Variants in KCND2 observed in about 807,000 individuals in gnomAD.
The protein encoded by KCND2 is potassium voltage-gated channel subfamily D member 2, also known as A-type voltage-gated potassium channel KCND2.
A neutral mutation model predicts 54.4 loss-of-function variants in KCND2; 16 were observed. The observed-to-expected ratio is 0.29, with a 90% CI of 0.20 to 0.45. KCND2 has a LOEUF of 0.45. Ranked by LOEUF, KCND2 falls within the 20% of genes least tolerant of loss-of-function variation. The pLI, the probability that KCND2 is intolerant of heterozygous loss-of-function variation, is 1.00. For synonymous variants in KCND2, 317 were observed against 310.7 expected (o/e 1.02, Z -0.21); for missense variants, 486 against 824.2 (o/e 0.59, Z 5.02).
intron 1 of KCND2, among the ~76,000 whole-genome samples, chr7:120,400,899 T>C (rs540126179): frequency 3.2e-4 from 49 of 151,782 alleles, no homozygotes; most frequent in Non-Finnish European, 2.9e-5. Context: ...CTTTGGGCAA[T>C]TAAGTGTTAA....
At chr7:120,625,680 A>T (rs114132149) in intron 1 of KCND2, among the ~76,000 whole-genome samples, 4,320 of 152,248 alleles carry the variant, frequency 0.028, 172 homozygotes, top group African/African-American at 0.09. Flanking sequence ...TAAGGTACAT[A>T]CATAAATGTA....
At chr7:120,339,503 CTGTG>C (rs10525061) in intron 1 of KCND2, among the ~76,000 whole-genome samples, 7,954 of 149,732 alleles carry the variant, frequency 0.053, 484 homozygotes, top group African/African-American at 0.15. Context: ...CTTTAGAAGG[CTGTG>C]TGTGTGTGTG....
At chr7:120,538,984 C>A (rs1021254457) in intron 1 of KCND2, among the ~76,000 whole-genome samples, 7 of 152,100 alleles carry the variant, frequency 4.6e-5, no homozygotes, top group Non-Finnish European at 8.8e-5. Flanking sequence ...CTGCTCAATG[C>A]AAGGCTGCCG....
chr7:120,510,928 C>T (rs1007774860), intron 1 of KCND2, among the ~76,000 whole-genome samples: 35 of 149,560 alleles, frequency 2.3e-4, no homozygotes, highest in African/African-American at 7.1e-4. Context: ...TGTCTTCCTA[C>T]GGCTTCACAT....
chr7:120,625,252 A>G (rs1367578948), intron 1 of KCND2, among the ~76,000 whole-genome samples: 2 of 152,360 alleles, frequency 1.3e-5, no homozygotes, highest in East Asian at 1.9e-4. Flanking sequence ...ATCTAAAAAC[A>G]TAGTAAAATA....
Position 120,425,403 on chromosome 7 carries a change from G to A in KCND2, c.1115+149656G>A, listed in dbSNP as rs965975242. Reference sequence around the variant, plus strand: ...CTGCCTGCGACAATATTTCTGAACAGTCATTTAATCAACAACTATATTTGA... The same window carrying A: ...CTGCCTGCGACAATATTTCTGAACAATCATTTAATCAACAACTATATTTGA... On this transcript the variant is annotated intron_variant, in intron 1 of 5. Transcript: ENST00000331113. Among the ~76,000 whole-genome samples the A allele has an allele frequency of 1.4e-4, 21 of 152,334 alleles. 1 individual carries two copies. In the South Asian group the frequency reaches 2.3e-3, roughly 17 times the overall value.
At chr7:120,486,689 CT>C (rs1399142505) in intron 1 of KCND2, among the ~76,000 whole-genome samples, 143 of 143,814 alleles carry the variant, frequency 9.9e-4, no homozygotes, top group Middle Eastern at 3.6e-3. Flanking sequence ...TGTTTATTGT[CT>C]TTTTTTTTTT....
chr7:120,622,485 T>TTATATATATA lies in KCND2; in HGVS notation c.1116-110413_1116-110404dup, dbSNP rs370315618. ...TTAATTAATTAACCATGCGAAATTG[T>TTATATATATA]TATATATATATATACAGTCTCATAA... On this transcript the variant is annotated intron_variant, in intron 1 of 5. Transcript: ENST00000331113. 9.8e-3 allele frequency among the ~76,000 whole-genome samples: 1,473 copies of TTATATATATA among 151,062 alleles called. 24 individuals carry two copies. The highest frequency in any genetic ancestry group is 0.034 in the African/African-American group (1,382 of 41,106).
At chr7:120,334,914 T>C (rs1280704582) in intron 1 of KCND2, among the ~76,000 whole-genome samples, 1 of 152,150 alleles carries the variant, frequency 6.6e-6, no homozygotes, top group Admixed American at 6.5e-5. Flanking sequence ...AATAGAATAA[T>C]GTCATGGTTC....
intron 1 of KCND2, among the ~76,000 whole-genome samples, chr7:120,553,438 CTTAG>C (rs1771509941): frequency 1.3e-5 from 2 of 152,170 alleles, no homozygotes; most frequent in African/African-American, 4.8e-5. Flanking sequence ...CTGATGTATA[CTTAG>C]TTGTTTCCAA....
chr7:120,706,784 C>G (rs1465808105), intron 1 of KCND2, among the ~76,000 whole-genome samples: 2 of 152,084 alleles, frequency 1.3e-5, no homozygotes, highest in Non-Finnish European at 2.9e-5. Context: ...AATTAATTAA[C>G]ACACATCTAT....
At chr7:120,374,450 A>G (rs1013552882) in intron 1 of KCND2, among the ~76,000 whole-genome samples, 4 of 151,748 alleles carry the variant, frequency 2.6e-5, no homozygotes, top group Non-Finnish European at 2.9e-5. Flanking sequence ...AGGGTTAATT[A>G]CGTTTTCTGT....
chr7:120,640,704 T>G (rs760752957), intron 1 of KCND2, among the ~76,000 whole-genome samples: 30 of 152,190 alleles, frequency 2.0e-4, no homozygotes, highest in Non-Finnish European at 4.3e-4. Context: ...AAAGCTCAAT[T>G]CAGTGATGTA....
intron 1 of KCND2, among the ~76,000 whole-genome samples, chr7:120,367,396 C>T (rs927226524): frequency 2.0e-5 from 3 of 151,992 alleles, no homozygotes; most frequent in African/African-American, 7.2e-5. Flanking sequence ...GACTAGCTGC[C>T]TCTATGGTTT....
At chr7:120,484,665 T>C (rs2041679) in intron 1 of KCND2, among the ~76,000 whole-genome samples, 41,821 of 149,906 alleles carry the variant, frequency 0.28, 8,499 homozygotes, top group African/African-American at 0.56. Flanking sequence ...CACACATACA[T>C]TCCTATCTTA....
intron 1 of KCND2, among the ~76,000 whole-genome samples, chr7:120,513,322 G>GTC (rs1290443167): frequency 2.0e-5 from 3 of 152,066 alleles, no homozygotes; most frequent in Non-Finnish European, 4.4e-5. Flanking sequence ...ACAAATACAC[G>GTC]TAATCAATGT....
chr7:120,390,242 G>A (rs1801053142), intron 1 of KCND2, among the ~76,000 whole-genome samples: 1 of 151,744 alleles, frequency 6.6e-6, no homozygotes, highest in Non-Finnish European at 1.5e-5. Context: ...CATAAATATA[G>A]TATGTACTAG....
chr7:120,566,847 ATCTT>A (rs1228702793), intron 1 of KCND2, among the ~76,000 whole-genome samples: 2 of 151,922 alleles, frequency 1.3e-5, no homozygotes, highest in Non-Finnish European at 2.9e-5. Context: ...TAAGTTATGT[ATCTT>A]TCTTCATATG....
At chr7:120,498,323 T>C (rs148526480) in intron 1 of KCND2, among the ~76,000 whole-genome samples, 46 of 152,018 alleles carry the variant, frequency 3.0e-4, no homozygotes, top group African/African-American at 1.0e-3. Context: ...CTACTAAAAA[T>C]ATGAAAATTA....
Sources: allele counts gnomAD v4.1 joint callset (sites outside exome capture counted in the v4.1 genomes callset), GRCh38; gene constraint gnomAD v4.1.1; transcripts MANE v1.5; gene names NCBI Gene and HGNC (gene_info 2026-07-23, HGNC 2026-07-21).